IFT172: variants seen among roughly 807,000 people sequenced by gnomAD.
IFT172 encodes the protein intraflagellar transport 172, also known as intraflagellar transport protein 172 homolog.
In IFT172, 164 loss-of-function variants were observed where a neutral mutation model predicts 248.9. The observed-to-expected ratio is 0.66, with a 90% CI of 0.58 to 0.75. The LOEUF is 0.75. Ranked by LOEUF, IFT172 falls within the 30% of genes least tolerant of loss-of-function variation. The pLI is 0.00. For missense variants in IFT172, 1,950 were observed against 2,192.4 expected, an observed-to-expected ratio of 0.89 and a Z score of 2.21; for synonymous variants, 729 against 791.6, an observed-to-expected ratio of 0.92 and a Z score of 1.33.
rs138649025 is a variant in IFT172 at position 27,476,994 on chromosome 2, T to C, written c.1325+223A>G. 5,642 of 593,438 alleles carry C rather than the reference T, an allele frequency of 9.5e-3. 37 individuals are homozygous for C. The highest frequency in any genetic ancestry group is 0.014 in the Non-Finnish European group (4,533 of 335,410). 36.8% of individuals were successfully genotyped at this position (593,438 alleles called of 1,614,324 possible). On this transcript the variant is annotated intron_variant, in intron 13 of 47. Coordinates refer to ENST00000260570, the MANE Select transcript of IFT172 (RefSeq NM_015662.3). ...GTGTGCCACCATGCCTGGATAATTT[T>C]TTGTATTTTTAGTAGAGATGGGGTT...
In IFT172 at chr2:27,485,327, G is replaced by A. The variant is rs756204396; in HGVS notation, c.183+33C>T. 3 of 1,612,976 alleles carry A rather than the reference G, an allele frequency of 1.9e-6. No homozygotes were observed. In the East Asian group the frequency reaches 6.7e-5, roughly 36 times the overall value. Reference sequence around the variant, plus strand: ...TCAAGTTGTGAGACCCCATCAATAGGTTAAATAAGGTACACATGAATACAC... The same window carrying A: ...TCAAGTTGTGAGACCCCATCAATAGATTAAATAAGGTACACATGAATACAC... On this transcript the variant is annotated intron_variant, in intron 2 of 47. Transcript: ENST00000260570.
chr2:27,462,851 G>T, intron 19 of IFT172, 58 bp from the exon 20 acceptor site: 1 of 1,536,666 alleles, frequency 6.5e-7, no homozygotes, highest in South Asian at 1.1e-5. Context: ...CTGTCTGTGA[G>T]GGCTGAAATT....
At position 27,445,932 on chromosome 2, in the gene IFT172, G is replaced by C. The variant is rs369400518; in HGVS notation, c.4812C>G (p.Thr1604=). ...GGGGCACAGCTTCCCTACTCACATC[G>C]GTCAGGTCCAAAAAGCGATTGAGGA... ...FIFLNRFLDL[T]DAIEEGTLDG... is the part of the protein sequence containing the mutation. The change falls in exon 44 of 48, where the codon ACC becomes ACG. Residue 1604 remains threonine, a synonymous_variant. Transcript: ENST00000260570. This position sits in a 1 kb window ranked among gnomAD's most constrained non-coding sequence, Gnocchi z 4.4. 3.0e-5 allele frequency: 48 copies of C among 1,614,034 alleles called. No homozygotes were observed. The African/African-American group carries it at 5.5e-4, about 18-fold the overall frequency.
At chr2:27,458,941 A>G in intron 25 of IFT172, 73 bp from the exon 26 acceptor site, 15 of 1,520,466 alleles carry the variant, frequency 9.9e-6, no homozygotes, top group Non-Finnish European at 1.4e-5. Context: ...GGAAAGAACA[A>G]ACCTTGGCTG....
Position 27,454,101 on chromosome 2 carries a change from T to TGTCAGG in IFT172, c.3586_3591dup (p.Pro1196_Asp1197dup). On this transcript the variant is annotated inframe_insertion, in exon 33 of 48. Coordinates refer to ENST00000260570, the MANE Select transcript of IFT172 (RefSeq NM_015662.3). The surrounding 1 kb of genome is among the most constrained non-coding windows in gnomAD (Gnocchi z 4.2). ...TGTCCCACAAGCACCTCGGCGACAC[T>TGTCAGG]GTCAGGGTCGTGAGCCTCAGCCACA... 2 of 1,614,046 alleles carry TGTCAGG rather than the reference T, an allele frequency of 1.2e-6. No homozygotes were observed. The highest frequency in any genetic ancestry group is 1.7e-6 in the Non-Finnish European group (2 of 1,179,986).
chr2:27,476,002 C>T (rs1006186249), intron 14 of IFT172, among the ~76,000 whole-genome samples: 3 of 151,862 alleles, frequency 2.0e-5, no homozygotes, highest in Non-Finnish European at 2.9e-5. Flanking sequence ...ATGCTTGAAA[C>T]ATTTCACGAT....
Position 27,449,361 on chromosome 2 carries a change from AT to A in IFT172, c.4243del (p.Ile1415Ter). ...CTCCACATACAGGTCCAAAGCAGCTATCACATCCACACCCACCAGCTGGGTC... is the reference window on the plus strand; with the variant it reads ...CTCCACATACAGGTCCAAAGCAGCTACACATCCACACCCACCAGCTGGGTC... ...KVDSLVGVDVIAALDLYVEQG... is the reference protein window; with the variant it reads ...KVDSLVGVDVXAALDLYVEQG... On this transcript the variant is annotated frameshift_variant, in exon 39 of 48. Transcript: ENST00000260570. LOFTEE classifies it high-confidence loss of function. 1.9e-6 allele frequency: 3 copies of A among 1,614,160 alleles called. No homozygotes were observed. The highest frequency in any genetic ancestry group is 2.5e-6 in the Non-Finnish European group (3 of 1,180,018).
At chr2:27,483,768 C>G in intron 5 of IFT172, 104 bp downstream of exon 5, 1 of 1,442,844 alleles carries the variant, frequency 6.9e-7, no homozygotes, top group African/African-American at 1.4e-5. Flanking sequence ...ATGCATTCTC[C>G]CCAGTACGCA....
At chr2:27,447,172 T>G (rs1202434517) in intron 42 of IFT172, among the ~76,000 whole-genome samples, 1 of 152,206 alleles carries the variant, frequency 6.6e-6, no homozygotes, top group Non-Finnish European at 1.5e-5. Flanking sequence ...TTCTTTCCAC[T>G]TCTAGAATTC....
chr2:27,485,769 G>GGCCTCCTCGTTT, intron 1 of IFT172, among the ~76,000 whole-genome samples: 1 of 152,266 alleles, frequency 6.6e-6, no homozygotes. Flanking sequence ...TCCCTGCAAC[G>GGCCTCCTCGTTT]GCCTCCTCGT....
chr2:27,466,030 G>T, intron 16 of IFT172, 148 bp from the exon 17 acceptor site: 1 of 893,396 alleles, frequency 1.1e-6, no homozygotes, highest in South Asian at 1.6e-5. Context: ...TTTCTCTCAA[G>T]CATAAAAAAA....
intron 8 of IFT172, among the ~76,000 whole-genome samples, chr2:27,480,759 T>C (rs1668298032): frequency 6.6e-6 from 1 of 152,212 alleles, no homozygotes; most frequent in Admixed American, 6.5e-5. Flanking sequence ...TGTAATATAA[T>C]GTGAGAAACT....
In IFT172 at chr2:27,485,871, G is replaced by C. The variant is rs112719519; in HGVS notation, c.40-368C>G. Reference sequence around the variant, plus strand: ...ATTAATATTTTTTTAGCACCTTATTGATCAAGGCACTTGGCCAGGGGCTGA... The same window carrying C: ...ATTAATATTTTTTTAGCACCTTATTCATCAAGGCACTTGGCCAGGGGCTGA... On this transcript the variant is annotated intron_variant, in intron 1 of 47. Coordinates refer to ENST00000260570, the MANE Select transcript of IFT172 (RefSeq NM_015662.3). 2.4e-3 allele frequency among the ~76,000 whole-genome samples: 365 copies of C among 152,310 alleles called. 1 individual carries two copies. Among genetic ancestry groups the C allele is most frequent in the African/African-American group, 8.5e-3 (352 of 41,556 alleles).
intron 35 of IFT172, chr2:27,453,126 T>C: frequency 1.7e-6 from 1 of 601,806 alleles, no homozygotes; most frequent in Non-Finnish European, 3.2e-6. Context: ...ACTTTAGTCT[T>C]TACTCAGATA....
chr2:27,464,927 T>A (rs1274844746), intron 18 of IFT172, among the ~76,000 whole-genome samples: 2 of 146,490 alleles, frequency 1.4e-5, no homozygotes, highest in East Asian at 4.0e-4. Context: ...CAAGACATAT[T>A]TTTTTTTTTT....
Position 27,445,611 on chromosome 2 carries a change from T to C in IFT172, c.4914+134A>G. 2 of 1,317,246 alleles carry C rather than the reference T, an allele frequency of 1.5e-6. No homozygotes were observed. The highest frequency in any genetic ancestry group is 1.4e-5 in the South Asian group (1 of 70,624). The allele number at this position is 1,317,246 out of a possible 1,614,324, so 81.6% of individuals were successfully genotyped here. A position where few individuals can be genotyped will look rare whatever the true frequency, so the allele number is the denominator to read the frequency against. Reference sequence around the variant, plus strand: ...GGATGCAGTCACAGCCTTTTCTTTCTATTTTGCTTCTACTTTCACTGAAAA... The same window carrying C: ...GGATGCAGTCACAGCCTTTTCTTTCCATTTTGCTTCTACTTTCACTGAAAA... On this transcript the variant is annotated intron_variant, in intron 45 of 47. Coordinates refer to ENST00000260570, the MANE Select transcript of IFT172 (RefSeq NM_015662.3). This position sits in a 1 kb window ranked among gnomAD's most constrained non-coding sequence, Gnocchi z 4.4.
intron 30 of IFT172, chr2:27,455,020 C>A: frequency 3.1e-6 from 1 of 317,940 alleles, no homozygotes; most frequent in Non-Finnish European, 5.9e-6. Context: ...CTTCCTGAGC[C>A]CCAGCTACAT....
intron 16 of IFT172, among the ~76,000 whole-genome samples, chr2:27,468,476 C>T (rs60012187): frequency 2.0e-5 from 3 of 151,940 alleles, no homozygotes; most frequent in Non-Finnish European, 2.9e-5. Flanking sequence ...TCAAGTGATC[C>T]GCCTGTCTCA....
rs764978738 is a variant in IFT172, at chr2:27,458,112, G to A, written c.2975+14C>T. ...CTCATCTCCCTCTACACCTCCTCTGGGGCCACGGCTCACCTTTCAGCCTCA... is the reference window on the plus strand; with the variant it reads ...CTCATCTCCCTCTACACCTCCTCTGAGGCCACGGCTCACCTTTCAGCCTCA... On this transcript the variant is annotated intron_variant, in intron 27 of 47. Transcript: ENST00000260570. The A allele has an allele frequency of 1.5e-5, 25 of 1,613,532 alleles. No homozygotes were observed. The highest frequency in any genetic ancestry group is 1.9e-5 in the Non-Finnish European group (22 of 1,179,586).
Sources: allele counts gnomAD v4.1 joint callset (sites outside exome capture counted in the v4.1 genomes callset), GRCh38; gene constraint gnomAD v4.1.1; non-coding constraint Gnocchi (gnomAD v3.1); transcripts MANE v1.5; gene names NCBI Gene and HGNC (gene_info 2026-07-23, HGNC 2026-07-21).